The following PGAP1 variants were observed in gnomAD, a reference collection of about 807,000 sequenced individuals.
PGAP1 encodes post-GPI attachment to proteins inositol deacylase 1, also known as GPI inositol-deacylase.
Under a neutral mutation model 127.0 loss-of-function variants are expected in PGAP1, and 76 were observed. The ratio of observed to expected loss-of-function variants is 0.60; its 90% confidence interval spans 0.50 to 0.72. PGAP1 has a LOEUF of 0.72. Ranked by LOEUF, PGAP1 falls within the 30% of genes least tolerant of loss-of-function variation. The probability of loss-of-function intolerance (pLI) is 0.00; values close to 1 mark genes in which losing one functional copy is unlikely to be tolerated. For synonymous variants in PGAP1, 362 were observed against 366.5 expected, an observed-to-expected ratio of 0.99 and a Z score of 0.14; for missense variants, 982 against 1,071.3, an observed-to-expected ratio of 0.92 and a Z score of 1.16.
At position 196,841,256 on chromosome 2, in the gene PGAP1, T is replaced by C; in HGVS notation, c.2747A>G (p.His916Arg). The C allele has an allele frequency of 6.2e-7, 1 of 1,613,190 alleles. No homozygotes were observed. Residue 916 changes from histidine to arginine, a missense_variant, in exon 27 of 27, where the codon CAT (histidine) becomes CGT (arginine). His to Arg is a conservative substitution (Grantham distance 29). Coordinates refer to ENST00000354764, the MANE Select transcript of PGAP1 (RefSeq NM_024989.4). ...PCFVFIPLLL[H>R]ALCNFM ...ATCTTACATAAAGTTGCATAATGCATGGAGTAAAAGAGGAATGAAGACAAA... is the reference window on the plus strand; with the variant it reads ...ATCTTACATAAAGTTGCATAATGCACGGAGTAAAAGAGGAATGAAGACAAA...
At chr2:196,913,769 A>G (rs931643940) in intron 3 of PGAP1, among the ~76,000 whole-genome samples, 6 of 152,196 alleles carry the variant, frequency 3.9e-5, no homozygotes, top group African/African-American at 1.4e-4. Context: ...TGTCCTTGGC[A>G]TGGGCTGGAT....
At chr2:196,923,811 C>T (rs1291924455) in intron 1 of PGAP1, among the ~76,000 whole-genome samples, 1 of 152,130 alleles carries the variant, frequency 6.6e-6, no homozygotes, top group African/African-American at 2.4e-5. Context: ...TAGACGCACG[C>T]CAACATTTCC....
At chr2:196,888,224 A>G (rs1333820408) in intron 10 of PGAP1, among the ~76,000 whole-genome samples, 1 of 152,194 alleles carries the variant, frequency 6.6e-6, no homozygotes, top group East Asian at 1.9e-4. Context: ...AGAAAATGCT[A>G]CTGATCAAAA....
At chr2:196,860,608 C>CAAT in intron 20 of PGAP1, among the ~76,000 whole-genome samples, 1 of 152,012 alleles carries the variant, frequency 6.6e-6, no homozygotes, top group Non-Finnish European at 1.5e-5. Flanking sequence ...TAAATTATAT[C>CAAT]TAGGAATAAA....
chr2:196,887,767 C>A (rs1429203106), intron 10 of PGAP1, among the ~76,000 whole-genome samples: 1 of 152,016 alleles, frequency 6.6e-6, no homozygotes, highest in Non-Finnish European at 1.5e-5. Flanking sequence ...TGACAGGAAA[C>A]AAATAAAAAA....
chr2:196,851,146 GT>G (rs112660284), intron 20 of PGAP1, among the ~76,000 whole-genome samples: 37,424 of 151,114 alleles, frequency 0.25, 5,630 homozygotes, highest in African/African-American at 0.43. Context: ...TGGAGTCACT[GT>G]TTTTTTGTTT....
At chr2:196,889,452 A>G (rs1055677954) in intron 10 of PGAP1, among the ~76,000 whole-genome samples, 2 of 152,120 alleles carry the variant, frequency 1.3e-5, no homozygotes, top group African/African-American at 2.4e-5. Flanking sequence ...AATAAATACA[A>G]ATAACCTAAC....
At chr2:196,926,424 G>A (rs1416130944) in intron 1 of PGAP1, 46 bp downstream of exon 1, 3 of 1,611,204 alleles carry the variant, frequency 1.9e-6, no homozygotes, top group East Asian at 4.5e-5. Context: ...AGGCACCAGG[G>A]GCCAGAGTCT....
At chr2:196,897,942 G>A (rs995570327) in intron 6 of PGAP1, among the ~76,000 whole-genome samples, 1 of 152,210 alleles carries the variant, frequency 6.6e-6, no homozygotes, top group African/African-American at 2.4e-5. Context: ...ACCAGGCCAG[G>A]TGTGGTGGTT....
In PGAP1 at chr2:196,841,187, C is replaced by T; in HGVS notation, c.*47G>A. ...TGGATCTGTGTGTTCCCTCTTATCA[C>T]TGGCCCTAAACACATAAATTATCTT... On this transcript the variant is annotated 3_prime_UTR_variant, in exon 27 of 27. Coordinates refer to ENST00000354764, the MANE Select transcript of PGAP1 (RefSeq NM_024989.4). 6.4e-7 allele frequency: 1 copy of T among 1,556,104 alleles called. No homozygotes were observed. Among genetic ancestry groups the T allele is most frequent in the Non-Finnish European group, 8.7e-7 (1 of 1,147,962 alleles).
chr2:196,915,007 A>G (rs904614604), intron 3 of PGAP1, among the ~76,000 whole-genome samples: 2 of 152,052 alleles, frequency 1.3e-5, no homozygotes, highest in African/African-American at 2.4e-5. Flanking sequence ...TTGTAGACAC[A>G]GGGTCTCACT....
chr2:196,919,920 T>C, intron 2 of PGAP1, 77 bp downstream of exon 2: 1 of 1,414,718 alleles, frequency 7.1e-7, no homozygotes. Flanking sequence ...CTTTATTTGA[T>C]TCACCGAGTA....
At chr2:196,868,611 G>A (rs1321548966) in intron 19 of PGAP1, among the ~76,000 whole-genome samples, 1 of 152,144 alleles carries the variant, frequency 6.6e-6, no homozygotes, top group Non-Finnish European at 1.5e-5. Flanking sequence ...CTTCATTACT[G>A]CACAGAAATG....
chr2:196,899,953 G>A (rs560775963), intron 5 of PGAP1, among the ~76,000 whole-genome samples: 36 of 152,308 alleles, frequency 2.4e-4, no homozygotes, highest in Non-Finnish European at 4.6e-4. Flanking sequence ...CAGAAGAATC[G>A]CTTGAACCCT....
chr2:196,924,590 CCTG>C lies in PGAP1; in HGVS notation c.147+1877_147+1879del, dbSNP rs1293078435. ...AACACAGCTTTTTACATCATAAAAA[CCTG>C]CTAAAAATCAAAAACTTCTGCCACT... On this transcript the variant is annotated intron_variant, in intron 1 of 26. Transcript: ENST00000354764. Among the ~76,000 whole-genome samples, 5 of 152,164 alleles carry C rather than the reference CCTG, an allele frequency of 3.3e-5. No homozygotes were observed. The East Asian group carries it at 9.6e-4, about 29-fold the overall frequency.
chr2:196,893,044 TCA>T (rs779288325), intron 8 of PGAP1, 94 bp downstream of exon 8: 17 of 593,324 alleles, frequency 2.9e-5, no homozygotes, highest in Admixed American at 2.8e-4. Context: ...ACTTGAAGTA[TCA>T]CAGTTTCAAA....
chr2:196,872,912 A>G, intron 17 of PGAP1, 48 bp downstream of exon 17: 1 of 707,420 alleles, frequency 1.4e-6, no homozygotes, highest in Non-Finnish European at 2.5e-6. Flanking sequence ...CAGAATATCT[A>G]TTATTCAAAA....
chr2:196,866,342 G>A (rs1378609109), intron 19 of PGAP1, among the ~76,000 whole-genome samples: 1 of 152,146 alleles, frequency 6.6e-6, no homozygotes, highest in Non-Finnish European at 1.5e-5. Context: ...TCTGATCTTT[G>A]ACAAACCTGA....
At position 196,833,594 on chromosome 2, in the gene PGAP1, A is replaced by G. The variant is rs573116960; in HGVS notation, c.*7640T>C. The G allele has an allele frequency of 6.6e-6, 1 of 152,282 alleles. No homozygotes were observed. The highest frequency in any genetic ancestry group is 1.5e-5 in the Non-Finnish European group (1 of 67,988). The allele number at this position is 152,282 out of a possible 1,614,324, so 9.4% of individuals were successfully genotyped here. ...ACATACCCTTGCTCAAACTACCTTC[A>G]TGTCAATAAGATCATGTTTTAAGGA... is the stretch of plus-strand genomic sequence containing the variant. On this transcript the variant is annotated 3_prime_UTR_variant, in exon 27 of 27. Coordinates refer to ENST00000354764, the MANE Select transcript of PGAP1 (RefSeq NM_024989.4).
Sources: allele counts gnomAD v4.1 joint callset (sites outside exome capture counted in the v4.1 genomes callset), GRCh38; gene constraint gnomAD v4.1.1; transcripts MANE v1.5; gene names NCBI Gene and HGNC (gene_info 2026-07-23, HGNC 2026-07-21).